Variants in TMEM108 observed in about 807,000 individuals in gnomAD.
TMEM108 encodes the protein transmembrane protein 108, also known as cancer/testis antigen 124.
A neutral mutation model predicts 35.1 loss-of-function variants in TMEM108; 12 were observed. The observed-to-expected ratio is 0.34, with a 90% confidence interval of 0.22 to 0.55. TMEM108 has a LOEUF of 0.55. Ranked by LOEUF, TMEM108 falls within the 20% of genes least tolerant of loss-of-function variation. The pLI is 0.89. For synonymous variants in TMEM108, 287 were observed against 308.6 expected, an observed-to-expected ratio of 0.93 and a Z score of 0.73; for missense variants, 680 against 753.3, an observed-to-expected ratio of 0.90 and a Z score of 1.14.
chr3:133,363,241 C>T (rs984011935), intron 3 of TMEM108, among the ~76,000 whole-genome samples: 2 of 152,154 alleles, frequency 1.3e-5, no homozygotes, highest in African/African-American at 4.8e-5. Context: ...GGACACATAG[C>T]TTGCTGAGCC....
At chr3:133,148,680 T>G (rs1199937333) in intron 2 of TMEM108, among the ~76,000 whole-genome samples, 1 of 152,056 alleles carries the variant, frequency 6.6e-6, no homozygotes, top group Non-Finnish European at 1.5e-5. Flanking sequence ...CTTTTAAATG[T>G]GCCAGTAAGG....
At chr3:133,174,594 C>T (rs371608565) in intron 2 of TMEM108, among the ~76,000 whole-genome samples, 4 of 152,322 alleles carry the variant, frequency 2.6e-5, no homozygotes, top group East Asian at 1.9e-4. Flanking sequence ...CAGCAAACTC[C>T]AACAGACCTG....
intron 2 of TMEM108, among the ~76,000 whole-genome samples, chr3:133,218,395 C>G (rs185385323): frequency 1.3e-5 from 2 of 151,828 alleles, no homozygotes; most frequent in African/African-American, 4.8e-5. Context: ...CCTTTTATTT[C>G]TTTCTCTTGC....
At chr3:133,395,790 T>G (rs1207403895) in intron 5 of TMEM108, 74 bp from the exon 6 acceptor site, 2 of 1,397,506 alleles carry the variant, frequency 1.4e-6, no homozygotes, top group Non-Finnish European at 1.9e-6. Context: ...TGTTCCCATG[T>G]GTACATTTCT....
At chr3:133,149,052 A>G (rs1266101726) in intron 2 of TMEM108, among the ~76,000 whole-genome samples, 1 of 152,078 alleles carries the variant, frequency 6.6e-6, no homozygotes, top group Non-Finnish European at 1.5e-5. Flanking sequence ...TAGCTTATAT[A>G]ATAAGAGAAG....
intron 2 of TMEM108, among the ~76,000 whole-genome samples, chr3:133,214,107 C>G (rs1559870579): frequency 6.6e-6 from 1 of 152,306 alleles, no homozygotes; most frequent in East Asian, 1.9e-4. Flanking sequence ...TAGTTGCTAA[C>G]TTGCACAGAG....
At chr3:133,176,711 A>G (rs1309217360) in intron 2 of TMEM108, among the ~76,000 whole-genome samples, 2 of 152,230 alleles carry the variant, frequency 1.3e-5, no homozygotes, top group African/African-American at 4.8e-5. Context: ...CACAAGAGAA[A>G]GCAGGAAAGA....
chr3:133,143,987 C>A (rs867102291), intron 2 of TMEM108, among the ~76,000 whole-genome samples: 1 of 113,498 alleles, frequency 8.8e-6, no homozygotes, highest in African/African-American at 3.9e-5. Context: ...TTTTATTTTG[C>A]TTTGCTTTAA....
chr3:133,161,485 T>C (rs1490250708), intron 2 of TMEM108, among the ~76,000 whole-genome samples: 1 of 152,182 alleles, frequency 6.6e-6, no homozygotes, highest in Non-Finnish European at 1.5e-5. Context: ...GCCTGGAACA[T>C]AGTAGATAGG....
chr3:133,379,454 G>T (rs1022788469), intron 3 of TMEM108, among the ~76,000 whole-genome samples: 2 of 152,192 alleles, frequency 1.3e-5, no homozygotes, highest in Admixed American at 1.3e-4. Context: ...TTGCCCTTGT[G>T]GGGAGGGCTG....
intron 3 of TMEM108, among the ~76,000 whole-genome samples, chr3:133,361,826 A>G (rs1301338252): frequency 6.6e-6 from 1 of 152,194 alleles, no homozygotes; most frequent in African/African-American, 2.4e-5. Flanking sequence ...GCCATATGAA[A>G]GAGGAGGGAA....
chr3:133,179,853 A>T (rs915164481), intron 2 of TMEM108, among the ~76,000 whole-genome samples: 1 of 151,442 alleles, frequency 6.6e-6, no homozygotes, highest in Non-Finnish European at 1.5e-5. Flanking sequence ...AGACTAGAGC[A>T]AAATGTCTAG....
intron 2 of TMEM108, among the ~76,000 whole-genome samples, chr3:133,187,297 A>G (rs574846171): frequency 3.9e-5 from 6 of 152,328 alleles, no homozygotes; most frequent in South Asian, 2.1e-4. Context: ...CCTAAACTCA[A>G]TCTTCACCAT....
At chr3:133,156,717 G>A (rs13060200) in intron 2 of TMEM108, among the ~76,000 whole-genome samples, 37,371 of 152,134 alleles carry the variant, frequency 0.25, 5,169 homozygotes, top group Non-Finnish European at 0.32. Flanking sequence ...CCTTTTAAGC[G>A]TGTGGCAGAA....
intron 2 of TMEM108, among the ~76,000 whole-genome samples, chr3:133,094,811 C>G (rs1203171179): frequency 6.6e-6 from 1 of 151,274 alleles, no homozygotes; most frequent in African/African-American, 2.4e-5. Context: ...TTCCATAACA[C>G]TTTATCTTGT....
At chr3:133,378,325 T>C in intron 3 of TMEM108, 1 of 985,322 alleles carries the variant, frequency 1.0e-6, no homozygotes, top group Non-Finnish European at 1.2e-6. Flanking sequence ...CTCCTCCCCA[T>C]CTCTGCTTCT....
At chr3:133,222,837 A>G (rs1157816671) in intron 2 of TMEM108, among the ~76,000 whole-genome samples, 3 of 151,858 alleles carry the variant, frequency 2.0e-5, no homozygotes, top group South Asian at 4.2e-4. Flanking sequence ...CCTTCATACA[A>G]TTATTTGTAC....
intron 2 of TMEM108, among the ~76,000 whole-genome samples, chr3:133,110,871 G>T (rs1324389099): frequency 6.6e-6 from 1 of 152,162 alleles, no homozygotes; most frequent in African/African-American, 2.4e-5. Flanking sequence ...CAAATATTTT[G>T]CATTTCTACC....
At chr3:133,348,365 C>T (rs73207744) in intron 3 of TMEM108, among the ~76,000 whole-genome samples, 6,658 of 152,188 alleles carry the variant, frequency 0.044, 189 homozygotes, top group Non-Finnish European at 0.064. Flanking sequence ...TAAGTTAGAG[C>T]TTCATCACAC....
Sources: gnomAD v4.1 joint callset for allele counts (sites outside exome capture counted in the v4.1 genomes callset) on GRCh38, gnomAD v4.1.1 for gene constraint, MANE v1.5 for transcripts, NCBI Gene and HGNC (gene_info 2026-07-23, HGNC 2026-07-21) for gene names.